The following SDCCAG8 variants were observed in gnomAD, a reference collection of about 807,000 sequenced individuals.
The protein encoded by SDCCAG8 is SHH signaling and ciliogenesis regulator SDCCAG8, also known as serologically defined colon cancer antigen 8.
A neutral mutation model predicts 101.8 loss-of-function variants in SDCCAG8; 74 were observed. That is an observed-to-expected ratio of 0.73 (90% CI 0.60 to 0.88). SDCCAG8 has a LOEUF of 0.88. SDCCAG8 is among the 40% of genes least tolerant of loss of function. SDCCAG8 has a pLI of 0.00. For missense variants in SDCCAG8, 787 were observed against 822.6 expected (o/e 0.96, Z 0.53); for synonymous variants, 281 against 292.9 (o/e 0.96, Z 0.41).
At position 243,271,035 on chromosome 1, in the gene SDCCAG8, C is replaced by T. The variant is rs140413256; in HGVS notation, c.278C>T (p.Pro93Leu). The T allele has an allele frequency of 1.5e-3, 2,346 of 1,613,012 alleles. 5 individuals are homozygous for T. The highest frequency in any genetic ancestry group is 2.9e-3 in the South Asian group (261 of 91,060). Residue 93 changes from proline (P) to leucine (L), a missense_variant, in exon 3 of 18, where the codon CCG becomes CTG. Pro to Leu is a moderately conservative substitution (Grantham distance 98, BLOSUM62 -3). Coordinates refer to ENST00000366541, the MANE Select transcript of SDCCAG8 (RefSeq NM_006642.5). ...QQADKESEVS[P>L]SRRRKMSPLR... ...GCAGATAAGGAAAGTGAAGTATCTC[C>T]GTCAAGAAGAAGAAAAATGTCCCCC...
chr1:243,475,199 A>G lies in SDCCAG8; in HGVS notation c.1986-13815A>G, dbSNP rs1017181548. ...TGTCATTTGCTATCAGGGCAGTTCT[A>G]CCGCCGCCACTAAGCTTTGCTTCTC... On this transcript the variant is annotated intron_variant, in intron 16 of 17. Transcript: ENST00000366541. Among the ~76,000 whole-genome samples the G allele has an allele frequency of 2.6e-5, 4 of 152,206 alleles. No homozygotes were observed. In the South Asian group the frequency reaches 6.2e-4, roughly 24 times the overall value.
intron 4 of SDCCAG8, among the ~76,000 whole-genome samples, chr1:243,284,854 G>A (rs989698618): frequency 6.6e-5 from 10 of 152,108 alleles, no homozygotes; most frequent in African/African-American, 2.4e-4. Context: ...TTGGGGAAGT[G>A]GGGCAGTCCT....
chr1:243,302,888 A>G (rs1421091581), intron 6 of SDCCAG8, among the ~76,000 whole-genome samples: 4 of 152,228 alleles, frequency 2.6e-5, no homozygotes, highest in Non-Finnish European at 5.9e-5. Flanking sequence ...AGAGGATTAC[A>G]GCATTGAAAA....
intron 9 of SDCCAG8, among the ~76,000 whole-genome samples, chr1:243,325,667 T>C (rs1337291515): frequency 6.6e-6 from 1 of 152,254 alleles, no homozygotes; most frequent in African/African-American, 2.4e-5. Context: ...TTGGATAAAC[T>C]CCCTACTCTC....
chr1:243,270,394 T>G, intron 2 of SDCCAG8, 137 bp downstream of exon 2: 1 of 966,086 alleles, frequency 1.0e-6, no homozygotes, highest in African/African-American at 1.6e-5. Context: ...TTTAATTCCC[T>G]CGCTTAATCT....
chr1:243,447,248 CAAAAAAA>C (rs397830130), intron 16 of SDCCAG8, among the ~76,000 whole-genome samples: 173 of 41,378 alleles, frequency 4.2e-3, no homozygotes, highest in South Asian at 9.8e-3. Flanking sequence ...GACTTCGTCT[CAAAAAAA>C]AAAAAAAAAA....
At chr1:243,288,863 C>T (rs1219251900) in intron 5 of SDCCAG8, among the ~76,000 whole-genome samples, 7 of 151,844 alleles carry the variant, frequency 4.6e-5, no homozygotes, top group African/African-American at 1.2e-4. Context: ...AAAAATTAGC[C>T]GGGCGTGGTG....
chr1:243,451,281 A>C (rs1360172994), intron 16 of SDCCAG8, among the ~76,000 whole-genome samples: 1 of 152,184 alleles, frequency 6.6e-6, no homozygotes, highest in Non-Finnish European at 1.5e-5. Flanking sequence ...ATCAGCATGG[A>C]TTTTACTGAA....
intron 16 of SDCCAG8, among the ~76,000 whole-genome samples, chr1:243,460,511 G>T (rs1258042029): frequency 6.6e-6 from 1 of 152,208 alleles, no homozygotes; most frequent in East Asian, 1.9e-4. Flanking sequence ...ACAGAAAGTT[G>T]AAGCAGGTCC....
At chr1:243,270,933 T>C (rs765679024) in intron 2 of SDCCAG8, 45 bp from the exon 3 acceptor site, 43 of 1,392,456 alleles carry the variant, frequency 3.1e-5, no homozygotes, top group Non-Finnish European at 4.3e-5. Flanking sequence ...TAAGAAACCA[T>C]GGATCTCAAA....
intron 16 of SDCCAG8, among the ~76,000 whole-genome samples, chr1:243,468,183 TGAG>T (rs1262899566): frequency 6.6e-6 from 1 of 152,086 alleles, no homozygotes; most frequent in African/African-American, 2.4e-5. Flanking sequence ...GTCCATAAAA[TGAG>T]GATCATAATA....
At chr1:243,423,100 A>G (rs2081117781) in intron 15 of SDCCAG8, among the ~76,000 whole-genome samples, 1 of 152,166 alleles carries the variant, frequency 6.6e-6, no homozygotes, top group Non-Finnish European at 1.5e-5. Context: ...ATTTTTATTG[A>G]AAAATGGAAG....
rs2070666819 is a variant in SDCCAG8, at chr1:243,294,695, T to TG, written c.675+1476_675+1477insG. Among the ~76,000 whole-genome samples, 21 of 19,508 alleles carry TG rather than the reference T, an allele frequency of 1.1e-3. 1 individual carries two copies. The highest frequency in any genetic ancestry group is 2.2e-3 in the African/African-American group (21 of 9,518). 12.8% of individuals were successfully genotyped at this position (19,508 alleles called of 152,430 possible). ...CCTAGGCATACTGTGACTTTCTAAA[T>TG]TCCCCCCCCCCCCCACAGCTGCCTT... On this transcript the variant is annotated intron_variant, in intron 6 of 17. Transcript: ENST00000366541.
intron 16 of SDCCAG8, among the ~76,000 whole-genome samples, chr1:243,442,491 G>A (rs983045684): frequency 3.9e-5 from 6 of 151,992 alleles, no homozygotes; most frequent in South Asian, 2.1e-4. Context: ...ACAAGGAAGC[G>A]TCCCATTCAA....
intron 6 of SDCCAG8, among the ~76,000 whole-genome samples, chr1:243,301,551 C>T (rs2071504340): frequency 6.6e-6 from 1 of 151,912 alleles, no homozygotes; most frequent in Admixed American, 6.6e-5. Flanking sequence ...GTCTGTTGCC[C>T]CATTTCAAGA....
chr1:243,354,827 T>C (rs1410923461), intron 12 of SDCCAG8, among the ~76,000 whole-genome samples: 1 of 152,230 alleles, frequency 6.6e-6, no homozygotes, highest in East Asian at 1.9e-4. Flanking sequence ...GGGAGTTCTT[T>C]TTAAAATCAA....
chr1:243,308,390 T>C (rs1024350986), intron 8 of SDCCAG8, among the ~76,000 whole-genome samples: 9 of 152,234 alleles, frequency 5.9e-5, no homozygotes, highest in Non-Finnish European at 1.3e-4. Flanking sequence ...ACAGAAACCA[T>C]GCCACTTTGA....
intron 5 of SDCCAG8, among the ~76,000 whole-genome samples, chr1:243,290,678 T>C (rs911717729): frequency 6.6e-6 from 1 of 152,172 alleles, no homozygotes; most frequent in Non-Finnish European, 1.5e-5. Context: ...ATTCCATACC[T>C]CTGTGATGTT....
chr1:243,380,704 A>G lies in SDCCAG8; in HGVS notation c.1616+1841A>G, dbSNP rs1420901612. ...AAGCTTTTTTTTTTTGTTGAGCTTT[A>G]TTTAAACCAATTCTACTAAAATTTA... is the stretch of plus-strand genomic sequence containing the variant. On this transcript the variant is annotated intron_variant, in intron 13 of 17. Coordinates refer to ENST00000366541, the MANE Select transcript of SDCCAG8 (RefSeq NM_006642.5). Among the ~76,000 whole-genome samples the G allele has an allele frequency of 4.0e-5, 6 of 150,000 alleles. No individual in the cohort carries two copies. The South Asian group carries it at 1.3e-3, about 32-fold the overall frequency.
Sources: gnomAD v4.1 joint callset for allele counts (sites outside exome capture counted in the v4.1 genomes callset) on GRCh38, gnomAD v4.1.1 for gene constraint, MANE v1.5 for transcripts, NCBI Gene and HGNC (gene_info 2026-07-23, HGNC 2026-07-21) for gene names.